NCOA1: variants seen among roughly 807,000 people sequenced by gnomAD.
NCOA1 encodes the protein nuclear receptor coactivator 1.
NCOA1 carries 35 observed loss-of-function variants against 150.9 expected under a neutral mutation model. The observed-to-expected ratio is 0.23, with a 90% confidence interval of 0.18 to 0.31. NCOA1 has a LOEUF of 0.31. Among genes scored for constraint, NCOA1 ranks in the 10% least tolerant of loss-of-function variants. The probability of loss-of-function intolerance (pLI) is 1.00; values close to 1 mark genes in which losing one functional copy is unlikely to be tolerated. For synonymous variants in NCOA1, 590 were observed against 630.0 expected, an observed-to-expected ratio of 0.94 and a Z score of 0.95; for missense variants, 1,491 against 1,749.3, an observed-to-expected ratio of 0.85 and a Z score of 2.63.
chr2:24,749,050 A>C (rs1212126612), intron 19 of NCOA1, among the ~76,000 whole-genome samples: 1 of 152,256 alleles, frequency 6.6e-6, no homozygotes, highest in African/African-American at 2.4e-5. Flanking sequence ...GAAAGAACAC[A>C]GTGCTAGCAT....
chr2:24,612,314 T>C (rs777587927), intron 3 of NCOA1, among the ~76,000 whole-genome samples: 1 of 152,222 alleles, frequency 6.6e-6, no homozygotes, highest in Non-Finnish European at 1.5e-5. Context: ...TCTGACTACC[T>C]TTAAGACTTT....
chr2:24,517,133 A>G (rs898099697), intron 1 of NCOA1, among the ~76,000 whole-genome samples: 1 of 150,902 alleles, frequency 6.6e-6, no homozygotes, highest in African/African-American at 2.4e-5. Context: ...ATGTTTTCCT[A>G]TTGGTTTAAA....
intron 1 of NCOA1, among the ~76,000 whole-genome samples, chr2:24,551,909 C>T (rs1665846063): frequency 6.6e-6 from 1 of 152,072 alleles, no homozygotes; most frequent in Non-Finnish European, 1.5e-5. Context: ...CAAGACAGTT[C>T]TCTTTCTATT....
intron 19 of NCOA1, among the ~76,000 whole-genome samples, chr2:24,751,720 G>A (rs992757318): frequency 7.9e-5 from 12 of 152,110 alleles, no homozygotes; most frequent in East Asian, 7.7e-4. Context: ...CACAAATAAC[G>A]TCTTAGTGAA....
intron 2 of NCOA1, chr2:24,564,737 A>G (rs1255319665): frequency 6.6e-6 from 1 of 152,250 alleles, no homozygotes; most frequent in Non-Finnish European, 1.5e-5. Flanking sequence ...ATGGCTGTAG[A>G]CAAGATTTTA....
intron 1 of NCOA1, among the ~76,000 whole-genome samples, chr2:24,538,946 G>A (rs888887744): frequency 6.6e-6 from 1 of 152,214 alleles, no homozygotes; most frequent in South Asian, 2.1e-4. Context: ...GACTAGTCAA[G>A]TAAGAGTTTA....
chr2:24,634,620 G>A (rs1669851719), intron 3 of NCOA1, among the ~76,000 whole-genome samples: 2 of 150,462 alleles, frequency 1.3e-5, no homozygotes, highest in Admixed American at 1.3e-4. Context: ...GGAATTGGAA[G>A]CTTCAGTCAT....
intron 3 of NCOA1, among the ~76,000 whole-genome samples, chr2:24,640,653 T>G (rs1186203698): frequency 2.0e-5 from 3 of 152,134 alleles, no homozygotes; most frequent in Non-Finnish European, 4.4e-5. Flanking sequence ...TAAAAATTTC[T>G]TTAAAATTCT....
At chr2:24,590,827 CTTTCCTGA>C (rs2148333364) in intron 3 of NCOA1, among the ~76,000 whole-genome samples, 1 of 152,272 alleles carries the variant, frequency 6.6e-6, no homozygotes, top group African/African-American at 2.4e-5. Flanking sequence ...TCCTGTGCTC[CTTTCCTGA>C]TTTATTTTCT....
intron 1 of NCOA1, among the ~76,000 whole-genome samples, chr2:24,517,076 A>T (rs1558758974): frequency 1.4e-5 from 2 of 147,476 alleles, no homozygotes; most frequent in African/African-American, 2.5e-5. Flanking sequence ...CTTGAATTTG[A>T]ATGCTTTAAG....
chr2:24,673,400 A>T lies in NCOA1; in HGVS notation c.291A>T (p.Ser97=). ...KSTTDDDVQK[S]DISSSSQGVI... Reference sequence around the variant, plus strand: ...CAACTGATGACGATGTACAGAAATCAGACATCTCATCAAGTAGTCAAGGAG... The same window carrying T: ...CAACTGATGACGATGTACAGAAATCTGACATCTCATCAAGTAGTCAAGGAG... The change falls in exon 7 of 23, where the codon TCA becomes TCT. Residue 97 remains serine (S), a synonymous_variant. Transcript: ENST00000348332. 6.3e-7 allele frequency: 1 copy of T among 1,588,982 alleles called. No homozygotes were observed. The highest frequency in any genetic ancestry group is 1.4e-5 in the African/African-American group (1 of 73,700).
intron 1 of NCOA1, among the ~76,000 whole-genome samples, chr2:24,546,455 A>G (rs1248168742): frequency 6.6e-6 from 1 of 152,164 alleles, no homozygotes; most frequent in Non-Finnish European, 1.5e-5. Context: ...ATTTTCTAAA[A>G]TTTTCTAAAA....
chr2:24,607,886 G>A (rs1668443771), intron 3 of NCOA1, among the ~76,000 whole-genome samples: 1 of 151,936 alleles, frequency 6.6e-6, no homozygotes, highest in African/African-American at 2.4e-5. Context: ...AATTATTATG[G>A]TTGAATTCGT....
chr2:24,537,233 GATAC>G (rs939676502), intron 1 of NCOA1, among the ~76,000 whole-genome samples: 4 of 87,690 alleles, frequency 4.6e-5, no homozygotes, highest in Non-Finnish European at 1.0e-4. Flanking sequence ...AGGTAACTGT[GATAC>G]ATACACACAC....
At chr2:24,720,434 T>A (rs1674298947) in intron 14 of NCOA1, among the ~76,000 whole-genome samples, 1 of 152,192 alleles carries the variant, frequency 6.6e-6, no homozygotes, top group Admixed American at 6.5e-5. Context: ...GCAAACAGCT[T>A]TTTTCTCCCT....
At chr2:24,587,101 G>GAA (rs112750246) in intron 3 of NCOA1, among the ~76,000 whole-genome samples, 4 of 130,020 alleles carry the variant, frequency 3.1e-5, no homozygotes, top group African/African-American at 8.4e-5. Context: ...CAGCAGAGAA[G>GAA]AAAAAAAAAA....
At chr2:24,579,230 T>C (rs995090044) in intron 2 of NCOA1, among the ~76,000 whole-genome samples, 1 of 152,126 alleles carries the variant, frequency 6.6e-6, no homozygotes, top group African/African-American at 2.4e-5. Flanking sequence ...ATGGATTCTC[T>C]TGGGAGCCAG....
intron 17 of NCOA1, among the ~76,000 whole-genome samples, chr2:24,733,991 C>A (rs535315321): frequency 4.6e-5 from 7 of 152,116 alleles, no homozygotes; most frequent in African/African-American, 1.7e-4. Flanking sequence ...TCGAGACCAG[C>A]CTGGCCAACA....
chr2:24,580,565 CT>C (rs1331646965), intron 2 of NCOA1, among the ~76,000 whole-genome samples: 1 of 152,144 alleles, frequency 6.6e-6, no homozygotes, highest in African/African-American at 2.4e-5. Context: ...TCCATTACAT[CT>C]TTTGTTTTAC....
Sources: allele counts gnomAD v4.1 joint callset (sites outside exome capture counted in the v4.1 genomes callset), GRCh38; gene constraint gnomAD v4.1.1; transcripts MANE v1.5; gene names NCBI Gene and HGNC (gene_info 2026-07-23, HGNC 2026-07-21).